The following KSR2 variants were observed in gnomAD, a reference collection of about 807,000 sequenced individuals.
The protein encoded by KSR2 is kinase suppressor of ras 2.
Under a neutral mutation model 107.8 loss-of-function variants are expected in KSR2, and 25 were observed. The ratio of observed to expected loss-of-function variants is 0.23; its 90% CI spans 0.17 to 0.32. The LOEUF (loss-of-function observed/expected upper bound fraction) is 0.32. Ranked by LOEUF, KSR2 falls within the 10% of genes least tolerant of loss-of-function variation. KSR2 has a pLI of 1.00. For synonymous variants in KSR2, 480 were observed against 507.0 expected, an observed-to-expected ratio of 0.95 and a Z score of 0.71; for missense variants, 887 against 1,268.9, an observed-to-expected ratio of 0.70 and a Z score of 4.57.
intron 1 of KSR2, among the ~76,000 whole-genome samples, chr12:117,947,145 G>T (rs1187435135): frequency 6.8e-6 from 1 of 147,924 alleles, no homozygotes; most frequent in African/African-American, 2.5e-5. Flanking sequence ...TCCAGCCTGG[G>T]TGACAGAGCT....
In KSR2 at chr12:117,649,525, C is replaced by T. The variant is rs114327457; in HGVS notation, c.1171+17949G>A. 3.2e-3 allele frequency among the ~76,000 whole-genome samples: 492 copies of T among 152,298 alleles called. 2 individuals are homozygous for T. Among genetic ancestry groups the T allele is most frequent in the African/African-American group, 0.011 (472 of 41,562 alleles). The stretch of plus-strand genomic sequence containing the variant: ...AGTGCTTAGGATCCTTTCATTTCAT[C>T]CCAATAATCAATCCATGAGAAAGGG... On this transcript the variant is annotated intron_variant, in intron 5 of 19. Coordinates refer to ENST00000339824, the MANE Select transcript of KSR2 (RefSeq NM_173598.6).
intron 4 of KSR2, among the ~76,000 whole-genome samples, chr12:117,683,998 G>A (rs548030674): frequency 6.6e-6 from 1 of 152,338 alleles, no homozygotes; most frequent in South Asian, 2.1e-4. Flanking sequence ...CCCTGGGCTA[G>A]ACAGTAGGTT....
intron 3 of KSR2, among the ~76,000 whole-genome samples, chr12:117,847,024 G>C (rs1047033736): frequency 2.6e-5 from 4 of 152,242 alleles, no homozygotes; most frequent in African/African-American, 7.2e-5. Flanking sequence ...GCTCGTAAGC[G>C]AGAGTCCTAA....
intron 3 of KSR2, among the ~76,000 whole-genome samples, chr12:117,844,237 A>G (rs930685657): frequency 2.0e-5 from 3 of 152,076 alleles, no homozygotes; most frequent in African/African-American, 7.2e-5. Flanking sequence ...ATCCATGAGC[A>G]TGCACCATCT....
chr12:117,836,149 G>C (rs995169264), intron 3 of KSR2, among the ~76,000 whole-genome samples: 1 of 152,072 alleles, frequency 6.6e-6, no homozygotes, highest in African/African-American at 2.4e-5. Context: ...CTGCTCCAAA[G>C]TACTAAAAGG....
intron 7 of KSR2, among the ~76,000 whole-genome samples, chr12:117,569,372 A>G (rs1159579059): frequency 6.6e-6 from 1 of 152,168 alleles, no homozygotes; most frequent in Admixed American, 6.5e-5. Flanking sequence ...TATTAAAGTG[A>G]CTGTTTACAT....
Position 117,687,647 on chromosome 12 carries a change from T to C in KSR2, c.987-19989A>G, listed in dbSNP as rs1023224689. ...AGAGGACACTGGTTTTGTGACCGTC[T>C]AGCATTCACCCCACTCCACCTCGGG... On this transcript the variant is annotated intron_variant, in intron 4 of 19. Coordinates refer to ENST00000339824, the MANE Select transcript of KSR2 (RefSeq NM_173598.6). Among the ~76,000 whole-genome samples, 4 of 152,158 alleles carry C rather than the reference T, an allele frequency of 2.6e-5. No individual in the cohort carries two copies. In the South Asian group the frequency reaches 6.2e-4, roughly 24 times the overall value.
intron 4 of KSR2, among the ~76,000 whole-genome samples, chr12:117,729,872 G>A (rs1887588884): frequency 6.6e-6 from 1 of 152,220 alleles, no homozygotes; most frequent in Non-Finnish European, 1.5e-5. Flanking sequence ...GTATGAAAAA[G>A]TGGTAAGCAT....
intron 3 of KSR2, among the ~76,000 whole-genome samples, chr12:117,826,092 A>C (rs1891740024): frequency 6.6e-6 from 1 of 152,058 alleles, no homozygotes. Context: ...GATGGAAGGA[A>C]GGAAAGAGCA....
chr12:117,695,976 T>C (rs1442666017), intron 4 of KSR2, among the ~76,000 whole-genome samples: 1 of 152,164 alleles, frequency 6.6e-6, no homozygotes, highest in Non-Finnish European at 1.5e-5. Flanking sequence ...GCCAGCACAG[T>C]GAGAGAAGCC....
Position 117,907,504 on chromosome 12 carries a change from TCTACGGGG to T in KSR2, c.181-47081_181-47074del, listed in dbSNP as rs1252254306. On this transcript the variant is annotated intron_variant, in intron 1 of 19. Transcript: ENST00000339824. The surrounding 1 kb of genome is among the most constrained non-coding windows in gnomAD (Gnocchi z 4.3). ...TCTCCCAACACCATCCGCTAACTAA[TCTACGGGG>T]CTGGATTGACGTCAGCCACAGTGGA... Among the ~76,000 whole-genome samples, 1 of 152,130 alleles carries T rather than the reference TCTACGGGG, an allele frequency of 6.6e-6. No homozygotes were observed. Among genetic ancestry groups the T allele is most frequent in the African/African-American group, 2.4e-5 (1 of 41,448 alleles).
At chr12:117,961,705 G>C (rs1896662662) in intron 1 of KSR2, among the ~76,000 whole-genome samples, 2 of 152,170 alleles carry the variant, frequency 1.3e-5, no homozygotes, top group African/African-American at 4.8e-5. Flanking sequence ...GGCAAGACCA[G>C]CAGAACCCTC....
rs1336153693 is a variant in KSR2 at position 117,731,066 on chromosome 12, C to T, written c.986+29945G>A. 5.3e-5 allele frequency among the ~76,000 whole-genome samples: 8 copies of T among 150,906 alleles called. No individual in the cohort carries two copies. The East Asian group carries it at 7.9e-4, about 15-fold the overall frequency. ...GCCATCCCGTCTAGGAAGTGAGGAG[C>T]GTCTCTGCCCGGCCACCCATCGTCT... On this transcript the variant is annotated intron_variant, in intron 4 of 19. Coordinates refer to ENST00000339824, the MANE Select transcript of KSR2 (RefSeq NM_173598.6).
At chr12:117,706,649 A>G (rs1886541046) in intron 4 of KSR2, among the ~76,000 whole-genome samples, 1 of 152,138 alleles carries the variant, frequency 6.6e-6, no homozygotes, top group Non-Finnish European at 1.5e-5. Context: ...GGTGACAGAC[A>G]TGTTCTAAAA....
intron 1 of KSR2, among the ~76,000 whole-genome samples, chr12:117,920,026 C>T (rs1895293705): frequency 6.6e-6 from 1 of 152,120 alleles, no homozygotes; most frequent in Admixed American, 6.6e-5. Context: ...ACAACAGAAC[C>T]CCAAAATACA....
At chr12:117,589,041 T>A in intron 5 of KSR2, among the ~76,000 whole-genome samples, 1 of 152,236 alleles carries the variant, frequency 6.6e-6, no homozygotes, top group East Asian at 1.9e-4. Context: ...CAAAGTCATA[T>A]AGCTAAAGTT....
intron 16 of KSR2, among the ~76,000 whole-genome samples, chr12:117,480,488 A>G (rs1872112486): frequency 6.6e-6 from 1 of 152,176 alleles, no homozygotes; most frequent in Non-Finnish European, 1.5e-5. Context: ...ACTGGCATCT[A>G]AAACGATACC....
chr12:117,835,925 T>C (rs947493744), intron 3 of KSR2, among the ~76,000 whole-genome samples: 4 of 151,572 alleles, frequency 2.6e-5, no homozygotes, highest in Non-Finnish European at 5.9e-5. Context: ...ATGAGCACTG[T>C]TGTTAAGCAA....
intron 3 of KSR2, among the ~76,000 whole-genome samples, chr12:117,791,809 G>T (rs1687165712): frequency 6.6e-6 from 1 of 152,138 alleles, no homozygotes; most frequent in Non-Finnish European, 1.5e-5. Flanking sequence ...CCAGATCCAT[G>T]GATTGTGTTG....
Sources: gnomAD v4.1 joint callset for allele counts (sites outside exome capture counted in the v4.1 genomes callset) on GRCh38, gnomAD v4.1.1 for gene constraint, Gnocchi (gnomAD v3.1) non-coding constraint, MANE v1.5 for transcripts, NCBI Gene and HGNC (gene_info 2026-07-23, HGNC 2026-07-21) for gene names.